TRPM3: variants seen among roughly 807,000 people sequenced by gnomAD.
TRPM3 encodes the protein long transient receptor potential channel 3.
In TRPM3, 77 loss-of-function variants were observed where a neutral mutation model predicts 181.2. That is an observed-to-expected ratio of 0.42 (90% confidence interval 0.35 to 0.51). TRPM3 has a LOEUF of 0.51. Among genes scored for constraint, TRPM3 ranks in the 20% least tolerant of loss-of-function variants. TRPM3 has a pLI of 0.01. For missense variants in TRPM3, 1,759 were observed against 2,196.7 expected (o/e 0.80, Z 3.98); for synonymous variants, 745 against 796.4 (o/e 0.94, Z 1.09).
chr9:70,793,220 G>A (rs10868889), intron 6 of TRPM3, among the ~76,000 whole-genome samples: 42,459 of 151,918 alleles, frequency 0.28, 6,202 homozygotes, highest in Middle Eastern at 0.41. Flanking sequence ...TTGGGAGACC[G>A]AGGCGGGAGG....
chr9:71,251,898 A>C (rs945968449), intron 1 of TRPM3, among the ~76,000 whole-genome samples: 10 of 151,778 alleles, frequency 6.6e-5, no homozygotes, highest in African/African-American at 2.4e-4. Flanking sequence ...TCTACTCTCT[A>C]TCTCTGTGTG....
chr9:71,135,460 T>C (rs1387403290), intron 1 of TRPM3, among the ~76,000 whole-genome samples: 1 of 152,178 alleles, frequency 6.6e-6, no homozygotes, highest in Admixed American at 6.5e-5. Context: ...CAGAATAATG[T>C]ATATAATAAG....
chr9:70,570,372 G>A (rs1157715886), intron 22 of TRPM3, among the ~76,000 whole-genome samples: 2 of 129,766 alleles, frequency 1.5e-5, no homozygotes, highest in African/African-American at 5.9e-5. Context: ...GCAGCGGCAC[G>A]ATCTCAGCGG....
chr9:71,109,703 T>C (rs920129620), intron 1 of TRPM3, among the ~76,000 whole-genome samples: 2 of 152,242 alleles, frequency 1.3e-5, no homozygotes, highest in East Asian at 1.9e-4. Context: ...TATAATCTAG[T>C]TGGGCCTCAG....
intron 1 of TRPM3, among the ~76,000 whole-genome samples, chr9:71,210,017 C>T (rs2079386383): frequency 1.3e-5 from 2 of 152,184 alleles, no homozygotes; most frequent in African/African-American, 4.8e-5. Flanking sequence ...GGACAGAGGT[C>T]CCTAACCCCG....
At chr9:71,179,621 T>A (rs1391727473) in intron 1 of TRPM3, among the ~76,000 whole-genome samples, 1 of 152,094 alleles carries the variant, frequency 6.6e-6, no homozygotes, top group East Asian at 1.9e-4. Context: ...TAACACAGAA[T>A]GGTAAGGAAA....
At chr9:71,337,628 C>T (rs1352478049) in intron 1 of TRPM3, among the ~76,000 whole-genome samples, 1 of 152,136 alleles carries the variant, frequency 6.6e-6, no homozygotes, top group Non-Finnish European at 1.5e-5. Flanking sequence ...AAGACACATG[C>T]ACATGTATGT....
intron 1 of TRPM3, among the ~76,000 whole-genome samples, chr9:71,281,953 C>T (rs889692068): frequency 1.3e-5 from 2 of 151,908 alleles, no homozygotes; most frequent in Non-Finnish European, 2.9e-5. Flanking sequence ...CCTGGCTACT[C>T]GGGAGGCTGA....
intron 1 of TRPM3, among the ~76,000 whole-genome samples, chr9:70,960,034 G>T: frequency 6.6e-6 from 1 of 151,954 alleles, no homozygotes; most frequent in East Asian, 1.9e-4. Flanking sequence ...TGCCAGAGAG[G>T]CAACTTCAGC....
rs1261432385 is a variant in TRPM3, at chr9:70,537,214, T to A, written c.3899A>T (p.Asp1300Val). The A allele has an allele frequency of 6.3e-7, 1 of 1,597,468 alleles. No individual in the cohort carries two copies. The highest frequency in any genetic ancestry group is 1.7e-5 in the Admixed American group (1 of 59,102). Residue 1300 changes from aspartate to valine, a missense_variant, in exon 26 of 26, where the codon GAC becomes GTC. Physicochemically the swap from Asp to Val is radical, Grantham distance 152. Transcript: ENST00000677713. ...GACAATGTAGGCGGCGTCCGTGCAGTCTGACGAGGTCCTCGAGCGGATTTT... is the reference window on the plus strand; with the variant it reads ...GACAATGTAGGCGGCGTCCGTGCAGACTGACGAGGTCCTCGAGCGGATTTT... ...SNKIRSRTSS[D>V]CTDAAYIVRQ... is the part of the protein sequence containing the mutation.
chr9:70,974,762 T>C lies in TRPM3; in HGVS notation c.178-110251A>G, dbSNP rs1055029937. Among the ~76,000 whole-genome samples, 19 of 151,170 alleles carry C rather than the reference T, an allele frequency of 1.3e-4. 1 individual carries two copies. The highest frequency in any genetic ancestry group is 2.0e-4 in the East Asian group (1 of 5,108). ...TAATAATAATAAATAAAATAACTTA[T>C]TCAAGGACAAAATTTAAGTAATTTA... is the stretch of plus-strand genomic sequence containing the variant. On this transcript the variant is annotated intron_variant, in intron 1 of 25. Transcript: ENST00000677713.
At chr9:71,004,686 T>G (rs1463411115) in intron 1 of TRPM3, among the ~76,000 whole-genome samples, 1 of 152,170 alleles carries the variant, frequency 6.6e-6, no homozygotes, top group African/African-American at 2.4e-5. Context: ...ATAGTCCTCT[T>G]AAAGAAGTTT....
intron 1 of TRPM3, among the ~76,000 whole-genome samples, chr9:71,245,835 A>T (rs910243985): frequency 2.0e-5 from 3 of 152,222 alleles, no homozygotes; most frequent in Non-Finnish European, 2.9e-5. Flanking sequence ...GATGTCAAAG[A>T]CACAGAGTTT....
At chr9:70,795,675 C>T (rs571853757) in intron 6 of TRPM3, among the ~76,000 whole-genome samples, 244 of 152,270 alleles carry the variant, frequency 1.6e-3, no homozygotes, top group African/African-American at 5.5e-3. Context: ...TTAAGTCTTT[C>T]GAGTTCTGTG....
At chr9:70,663,085 T>C (rs931226932) in intron 9 of TRPM3, among the ~76,000 whole-genome samples, 2 of 152,176 alleles carry the variant, frequency 1.3e-5, no homozygotes, top group African/African-American at 4.8e-5. Context: ...TATTGTCTTT[T>C]GCAGCAGCTT....
At chr9:71,357,206 T>C (rs1391075386) in intron 1 of TRPM3, among the ~76,000 whole-genome samples, 1 of 152,182 alleles carries the variant, frequency 6.6e-6, no homozygotes, top group Non-Finnish European at 1.5e-5. Context: ...TTTCAAACAC[T>C]GCAAGCTTTA....
chr9:71,320,753 C>T (rs551453556), intron 1 of TRPM3, among the ~76,000 whole-genome samples: 2 of 152,250 alleles, frequency 1.3e-5, no homozygotes, highest in South Asian at 2.1e-4. Flanking sequence ...CCCCTCATAG[C>T]TCTAGAGGTA....
intron 1 of TRPM3, among the ~76,000 whole-genome samples, chr9:71,302,300 T>C (rs1313381169): frequency 6.6e-6 from 1 of 152,202 alleles, no homozygotes; most frequent in African/African-American, 2.4e-5. Context: ...TCATTTATCC[T>C]CATCACCTAC....
chr9:71,105,649 C>T (rs114372908), intron 1 of TRPM3, among the ~76,000 whole-genome samples: 2,157 of 152,194 alleles, frequency 0.014, 46 homozygotes, highest in African/African-American at 0.049. Flanking sequence ...AGAGGCATGG[C>T]TCTGGATTGT....
Sources: allele counts gnomAD v4.1 joint callset (sites outside exome capture counted in the v4.1 genomes callset), GRCh38; gene constraint gnomAD v4.1.1; transcripts MANE v1.5; gene names NCBI Gene and HGNC (gene_info 2026-07-23, HGNC 2026-07-21).